SLC18A1: variants seen among roughly 807,000 people sequenced by gnomAD.
SLC18A1 encodes the protein chromaffin granule amine transporter.
SLC18A1 carries 69 observed loss-of-function variants against 53.7 expected under a neutral mutation model. The ratio of observed to expected loss-of-function variants is 1.28; its 90% confidence interval spans 1.06 to 1.57. The LOEUF (loss-of-function observed/expected upper bound fraction) is 1.57. Ranked by LOEUF, SLC18A1 falls within the 40% of genes most tolerant of loss-of-function variation. SLC18A1 has a pLI of 0.00. For missense variants in SLC18A1, 932 were observed against 668.1 expected, an observed-to-expected ratio of 1.40 and a Z score of -4.35; for synonymous variants, 320 against 248.1, an observed-to-expected ratio of 1.29 and a Z score of -2.72.
At chr8:20,152,050 T>C (rs889727288) in intron 10 of SLC18A1, among the ~76,000 whole-genome samples, 4 of 152,214 alleles carry the variant, frequency 2.6e-5, no homozygotes, top group Non-Finnish European at 4.4e-5. Context: ...ATCTGGGATT[T>C]CAGGGTTGGG....
rs193007583 is a variant in SLC18A1 at position 20,154,910 on chromosome 8, C to A, written c.1016-4166G>T. On this transcript the variant is annotated intron_variant, in intron 10 of 15. Coordinates refer to ENST00000276373, the MANE Select transcript of SLC18A1 (RefSeq NM_003053.4). Reference sequence around the variant, plus strand: ...CCCTCCAGATCTGGCAGGGTGTCCACTGCACTTCTGATCCAGCAAGGCACC... The same window carrying A: ...CCCTCCAGATCTGGCAGGGTGTCCAATGCACTTCTGATCCAGCAAGGCACC... Among the ~76,000 whole-genome samples the A allele has an allele frequency of 9.2e-5, 14 of 152,282 alleles. 1 individual carries two copies. In the East Asian group the frequency reaches 2.7e-3, roughly 29 times the overall value.
At chr8:20,164,166 G>A (rs1038664337) in intron 10 of SLC18A1, among the ~76,000 whole-genome samples, 1 of 152,084 alleles carries the variant, frequency 6.6e-6, no homozygotes, top group African/African-American at 2.4e-5. Context: ...TCTCCTCCCT[G>A]CAGTGATGGA....
intron 3 of SLC18A1, 77 bp from the exon 4 acceptor site, chr8:20,178,570 G>T: frequency 8.9e-7 from 1 of 1,119,950 alleles, no homozygotes; most frequent in Non-Finnish European, 1.3e-6. Flanking sequence ...TTAAATGTAA[G>T]TGGGAGCAGA....
chr8:20,158,189 C>T (rs924391897), intron 10 of SLC18A1, among the ~76,000 whole-genome samples: 1 of 152,186 alleles, frequency 6.6e-6, no homozygotes, highest in Non-Finnish European at 1.5e-5. Flanking sequence ...ACTGGTGCAG[C>T]CTTCTCAGTC....
rs755994584 is a variant in SLC18A1, at chr8:20,145,746, A to C, written c.*17T>G. ...TGGTCACTGAGGCATCATGAATTCA[A>C]GGAGCACCTTCTGCTGCTACTCCTC... On this transcript the variant is annotated 3_prime_UTR_variant, in exon 16 of 16. Transcript: ENST00000276373. 1.3e-6 allele frequency: 2 copies of C among 1,543,540 alleles called. No homozygotes were observed. The highest frequency in any genetic ancestry group is 1.8e-6 in the Non-Finnish European group (2 of 1,122,768).
In SLC18A1 at chr8:20,171,455, C is replaced by A; in HGVS notation, c.764G>T (p.Gly255Val). ...CAGGATGAGGAAGGGTGCAGACTTC[C>A]CAACAAACTCGTACATTACACTTCC... ...PFGSVMYEFV[G>V]KSAPFLILAF... The change falls in exon 7 of 16, where the codon GGG becomes GTG. Residue 255 changes from glycine (G) to valine (V), a missense_variant. Coordinates refer to ENST00000276373, the MANE Select transcript of SLC18A1 (RefSeq NM_003053.4). 1 of 1,614,106 alleles carries A rather than the reference C, an allele frequency of 6.2e-7. No individual in the cohort carries two copies. The highest frequency in any genetic ancestry group is 1.3e-5 in the African/African-American group (1 of 75,024).
chr8:20,174,919 AAAT>A (rs1233929955), intron 4 of SLC18A1, among the ~76,000 whole-genome samples: 23 of 152,224 alleles, frequency 1.5e-4, no homozygotes, highest in African/African-American at 4.8e-4. Context: ...ATTGGGTAGA[AAAT>A]AATATCTTGT....
chr8:20,147,180 C>A, intron 15 of SLC18A1, 78 bp downstream of exon 15: 2 of 1,487,020 alleles, frequency 1.3e-6, no homozygotes, highest in Non-Finnish European at 1.8e-6. Context: ...GAAATAACAG[C>A]CCAGGATGAA....
Position 20,157,407 on chromosome 8 carries a change from G to T in SLC18A1, c.1016-6663C>A, listed in dbSNP as rs1244234220. ...ACGATTCCCCACAGGCCAGTAGGCA[G>T]TTCCTAGTGTAGACTCTCATTATGA... On this transcript the variant is annotated intron_variant, in intron 10 of 15. Transcript: ENST00000276373. 3.9e-5 allele frequency among the ~76,000 whole-genome samples: 6 copies of T among 152,318 alleles called. No homozygotes were observed. The East Asian group carries it at 1.2e-3, about 29-fold the overall frequency.
Position 20,173,093 on chromosome 8 carries a change from G to A in SLC18A1, c.667C>T (p.His223Tyr), listed in dbSNP as rs750486534. The A allele has an allele frequency of 5.7e-6, 9 of 1,580,544 alleles. No individual in the cohort carries two copies. The South Asian group carries it at 9.3e-5, about 16-fold the overall frequency. Reference protein sequence around the residue: ...GMLASVYTDDHERGRAMGTAL... With the variant: ...GMLASVYTDDYERGRAMGTAL... ...GTTCCCATGGCTCGTCCTCTCTCAT[G>A]GTCATCAGTGTAGACACTGGCCAGC... is the stretch of plus-strand genomic sequence containing the variant. The change falls in exon 6 of 16, where the codon CAT (histidine) becomes TAT (tyrosine). Residue 223 changes from histidine (H) to tyrosine (Y), a missense_variant. Physicochemically the swap from His to Tyr is moderately conservative, Grantham distance 83. Coordinates refer to ENST00000276373, the MANE Select transcript of SLC18A1 (RefSeq NM_003053.4).
intron 10 of SLC18A1, among the ~76,000 whole-genome samples, chr8:20,152,388 A>G (rs1394716158): frequency 6.6e-6 from 1 of 152,224 alleles, no homozygotes; most frequent in Non-Finnish European, 1.5e-5. Context: ...TATTTGCAGA[A>G]TCCAAGAGAA....
rs771556783 is a variant in SLC18A1 at position 20,164,919 on chromosome 8, G to A, written c.965C>T (p.Thr322Ile). The A allele has an allele frequency of 1.9e-6, 3 of 1,613,950 alleles. No individual in the cohort carries two copies. In the South Asian group the frequency reaches 3.3e-5, roughly 18 times the overall value. ...GGTCTGCATCATCCAGATGGGCAGT[G>A]TGGGCTCCAGGATGGCCACCCCCAT... ...ANMGVAILEP[T>I]LPIWMMQTMC... is the part of the protein sequence containing the mutation. The change falls in exon 10 of 16, where the codon ACA becomes ATA. Residue 322 changes from threonine to isoleucine, a missense_variant. Thr to Ile is a moderately conservative substitution (Grantham distance 89, BLOSUM62 -1). Coordinates refer to ENST00000276373, the MANE Select transcript of SLC18A1 (RefSeq NM_003053.4).
At chr8:20,174,955 T>C (rs540157456) in intron 4 of SLC18A1, among the ~76,000 whole-genome samples, 1 of 152,252 alleles carries the variant, frequency 6.6e-6, no homozygotes, top group Non-Finnish European at 1.5e-5. Flanking sequence ...TCCTTTTTTA[T>C]ATCTTATATT....
intron 10 of SLC18A1, among the ~76,000 whole-genome samples, chr8:20,152,947 A>G (rs969252339): frequency 7.9e-5 from 12 of 152,184 alleles, no homozygotes; most frequent in African/African-American, 2.7e-4. Flanking sequence ...ACACTTAGTG[A>G]TGGAAACACG....
At chr8:20,178,094 C>T (rs1439738781) in intron 4 of SLC18A1, among the ~76,000 whole-genome samples, 3 of 149,890 alleles carry the variant, frequency 2.0e-5, no homozygotes, top group Admixed American at 1.3e-4. Context: ...TTGTATTAAA[C>T]TTGCTCAAGG....
At chr8:20,177,098 T>C (rs949620893) in intron 4 of SLC18A1, among the ~76,000 whole-genome samples, 1 of 152,238 alleles carries the variant, frequency 6.6e-6, no homozygotes, top group Non-Finnish European at 1.5e-5. Context: ...ATAGGGCACC[T>C]GGCATCTTAT....
rs761156569 is a variant in SLC18A1 at position 20,145,567 on chromosome 8, C to T, written c.*196G>A. The T allele has an allele frequency of 9.5e-6, 4 of 421,218 alleles. No individual in the cohort carries two copies. In the East Asian group the frequency reaches 1.5e-4, roughly 16 times the overall value. 26.1% of individuals were successfully genotyped at this position (421,218 alleles called of 1,614,324 possible). On this transcript the variant is annotated 3_prime_UTR_variant, in exon 16 of 16. Transcript: ENST00000276373. ...CATAAAAGATGGGCCACTGCGGCAC[C>T]AAGGCATAGAGGAAGAGCTACAAGT...
At chr8:20,169,280 G>A (rs1461994971) in intron 8 of SLC18A1, among the ~76,000 whole-genome samples, 1 of 152,180 alleles carries the variant, frequency 6.6e-6, no homozygotes, top group East Asian at 1.9e-4. Context: ...AGGCTAGAGA[G>A]GTGTGATGCA....
intron 10 of SLC18A1, among the ~76,000 whole-genome samples, chr8:20,155,626 G>A (rs987520096): frequency 1.3e-5 from 2 of 152,130 alleles, no homozygotes; most frequent in Non-Finnish European, 2.9e-5. Context: ...TACCTCCTGG[G>A]TTCCAACCAT....
Sources: allele counts gnomAD v4.1 joint callset (sites outside exome capture counted in the v4.1 genomes callset), GRCh38; gene constraint gnomAD v4.1.1; transcripts MANE v1.5; gene names NCBI Gene and HGNC (gene_info 2026-07-23, HGNC 2026-07-21).